The following POLD1 variants were observed in gnomAD, a reference collection of about 807,000 sequenced individuals.
The protein encoded by POLD1 is DNA polymerase delta 1, catalytic subunit.
Under a neutral mutation model 129.7 loss-of-function variants are expected in POLD1, and 79 were observed. The observed-to-expected ratio is 0.61, with a 90% CI of 0.51 to 0.73. POLD1 has a LOEUF of 0.73. Ranked by LOEUF, POLD1 falls within the 30% of genes least tolerant of loss-of-function variation. The pLI is 0.00. For missense variants in POLD1, 1,338 were observed against 1,595.8 expected, an observed-to-expected ratio of 0.84 and a Z score of 2.75; for synonymous variants, 714 against 683.3, an observed-to-expected ratio of 1.04 and a Z score of -0.70.
Position 50,416,726 on chromosome 19 carries a change from G to A in POLD1, c.3067+3G>A, listed in dbSNP as rs1334587587. On this transcript the variant is annotated splice_donor_region_variant and intron_variant, in intron 24 of 26. Transcript: ENST00000440232. Reference sequence around the variant, plus strand: ...CCGCACAGTGCTCAGCCACCAGGGTGAGCGGCCCTGGCCACTGGGCCCCCA... The same window carrying A: ...CCGCACAGTGCTCAGCCACCAGGGTAAGCGGCCCTGGCCACTGGGCCCCCA... 1.3e-6 allele frequency: 2 copies of A among 1,529,594 alleles called. No homozygotes were observed. Among genetic ancestry groups the A allele is most frequent in the African/African-American group, 1.4e-5 (1 of 72,834 alleles). The allele number at this position is 1,529,594 out of a possible 1,614,324, so 94.8% of individuals were successfully genotyped here. A position where few individuals can be genotyped will look rare whatever the true frequency, so the allele number is the denominator to read the frequency against.
chr19:50,408,716 A>C, intron 14 of POLD1, 69 bp from the exon 15 acceptor site: 2 of 1,585,362 alleles, frequency 1.3e-6, no homozygotes, highest in Non-Finnish European at 1.7e-6. Flanking sequence ...GGGTGAGGCC[A>C]CAAGACAGGG....
intron 1 of POLD1, among the ~76,000 whole-genome samples, chr19:50,390,555 A>G (rs980782184): frequency 4.7e-5 from 7 of 149,936 alleles, no homozygotes; most frequent in African/African-American, 2.5e-5. Flanking sequence ...CACATTCTAC[A>G]GTTATTCTTG....
At chr19:50,393,787 C>CG (rs1451217934) in intron 1 of POLD1, among the ~76,000 whole-genome samples, 1 of 152,146 alleles carries the variant, frequency 6.6e-6, no homozygotes, top group Non-Finnish European at 1.5e-5. Context: ...CCCCATACTC[C>CG]GTAAGCAGTC....
chr19:50,404,036 G>A (rs1601207951), intron 10 of POLD1, among the ~76,000 whole-genome samples: 1 of 152,148 alleles, frequency 6.6e-6, no homozygotes, highest in African/African-American at 2.4e-5. Flanking sequence ...CCGAGTTGCT[G>A]TAACAAAGAG....
chr19:50,397,745 A>G (rs764636430), intron 1 of POLD1, among the ~76,000 whole-genome samples: 7 of 152,286 alleles, frequency 4.6e-5, no homozygotes, highest in African/African-American at 1.7e-4. Context: ...ACACAAATAT[A>G]TATAAGTAGC....
In POLD1 at chr19:50,416,501, G is replaced by A. The variant is rs750457028; in HGVS notation, c.2926G>A (p.Glu976Lys). The change falls in exon 23 of 27, where the codon GAG (glutamate) becomes AAG (lysine). Residue 976 changes from glutamate to lysine, a missense_variant. Glu to Lys is a moderately conservative substitution (Grantham distance 56). Around this residue, in one of 3 missense-constraint regions of POLD1, gnomAD observed 286 missense variants for 277.5 expected, o/e 1.03. Coordinates refer to ENST00000440232, the MANE Select transcript of POLD1 (RefSeq NM_002691.4). ...LLRIFEPILG[E>K]GRAEAVLLRG... ...GCGCATCTTCGAGCCCATCCTGGGC[G>A]AGGGCCGTGCCGAGGCTGTGCTACT... 7.7e-6 allele frequency: 12 copies of A among 1,552,376 alleles called. No individual in the cohort carries two copies. The highest frequency in any genetic ancestry group is 1.4e-5 in the African/African-American group (1 of 73,220).
chr19:50,390,766 G>T (rs1354093994), intron 1 of POLD1, among the ~76,000 whole-genome samples: 3 of 152,030 alleles, frequency 2.0e-5, no homozygotes, highest in Non-Finnish European at 4.4e-5. Flanking sequence ...AGATTAGGGA[G>T]TGGTGATGAC....
chr19:50,412,869 C>T (rs1482637539), intron 17 of POLD1, among the ~76,000 whole-genome samples: 3 of 152,196 alleles, frequency 2.0e-5, no homozygotes, highest in Non-Finnish European at 4.4e-5. Flanking sequence ...TTCAGCCTCC[C>T]AAAGTGCTGG....
chr19:50,402,665 C>T lies in POLD1; in HGVS notation c.894C>T (p.His298=), dbSNP rs1442547881. ...TGCTGTGGTCTGACGTGGTCAGTCA[C>T]CCACCGGAAGGGCCATGGCAGCGCA... ...ADVLWSDVVS[H]PPEGPWQRIA... The change falls in exon 8 of 27, where the codon CAC becomes CAT. Residue 298 remains histidine (H), a synonymous_variant. Coordinates refer to ENST00000440232, the MANE Select transcript of POLD1 (RefSeq NM_002691.4). The T allele has an allele frequency of 3.1e-6, 5 of 1,595,690 alleles. No homozygotes were observed. Among genetic ancestry groups the T allele is most frequent in the Non-Finnish European group, 4.3e-6 (5 of 1,170,348 alleles).
rs3219395 is a variant in POLD1 at position 50,406,874 on chromosome 19, A to C, written c.1495-109A>C. ...CTTGGAGGGCCCTCCTGCCCGCCTC[A>C]CCTCCCAGGCCCTCCCCAGGCTACC... On this transcript the variant is annotated intron_variant, in intron 12 of 26. Transcript: ENST00000440232. This position sits in a 1 kb window ranked among gnomAD's most constrained non-coding sequence, Gnocchi z 5.5. 12,339 of 872,660 alleles carry C rather than the reference A, an allele frequency of 0.014. 149 individuals carry two copies. Among genetic ancestry groups the C allele is most frequent in the Middle Eastern group, 0.018 (49 of 2,708 alleles). 54.1% of individuals were successfully genotyped at this position (872,660 alleles called of 1,614,324 possible).
Position 50,408,776 on chromosome 19 carries a change from C to T in POLD1, c.1776-9C>T, listed in dbSNP as rs1555791748. ...CCCTGACTCCCGGCCGCGGCTGCTC[C>T]CCTCCCAGGTACTACGACGTCCCCA... On this transcript the variant is annotated splice_polypyrimidine_tract_variant and intron_variant, in intron 14 of 26. Coordinates refer to ENST00000440232, the MANE Select transcript of POLD1 (RefSeq NM_002691.4). 5 of 1,613,642 alleles carry T rather than the reference C, an allele frequency of 3.1e-6. No individual in the cohort carries two copies. The highest frequency in any genetic ancestry group is 1.7e-5 in the Admixed American group (1 of 60,004).
At chr19:50,400,694 GCTAA>G (rs2038565735) in intron 3 of POLD1, among the ~76,000 whole-genome samples, 1 of 149,864 alleles carries the variant, frequency 6.7e-6, no homozygotes, top group Non-Finnish European at 1.5e-5. Flanking sequence ...ACAATGTCTG[GCTAA>G]CTTTTTTTTT....
At position 50,416,460 on chromosome 19, in the gene POLD1, TG is replaced by T. The variant is rs2122491114; in HGVS notation, c.2887del (p.Ala963ProfsTer82). 1 of 1,550,166 alleles carries T rather than the reference TG, an allele frequency of 6.5e-7. No individual in the cohort carries two copies. The highest frequency in any genetic ancestry group is 8.7e-7 in the Non-Finnish European group (1 of 1,147,636). On this transcript the variant is annotated frameshift_variant, in exon 23 of 27. Coordinates refer to ENST00000440232, the MANE Select transcript of POLD1 (RefSeq NM_002691.4). LOFTEE classifies it high-confidence loss of function. Reference sequence around the variant, plus strand: ...ACGCAGTACTACCTGGAGCAGCAGCTGGCCAAGCCCCTCCTGCGCATCTTCG... The same window carrying T: ...ACGCAGTACTACCTGGAGCAGCAGCTGCCAAGCCCCTCCTGCGCATCTTCG... The part of the protein sequence containing the change: ...IDTQYYLEQQ[L>X]AKPLLRIFEP...
At position 50,402,239 on chromosome 19, in the gene POLD1, G is replaced by C. The variant is rs78996304; in HGVS notation, c.624G>C (p.Pro208=). The C allele has an allele frequency of 1.9e-6, 3 of 1,593,446 alleles. No homozygotes were observed. In the Admixed American group the frequency reaches 5.2e-5, roughly 27 times the overall value. ...GGTACCACGGGCACGGCCCCTCCCC[G>C]TTCCTGCGCATCACCGTGGCGCTGC... ...MFGYHGHGPS[P]FLRITVALPR... Residue 208 remains proline, a synonymous_variant, in exon 6 of 27, where the codon CCG becomes CCC. Transcript: ENST00000440232.
chr19:50,402,893 G>A (rs2038714722), intron 8 of POLD1, 152 bp downstream of exon 8: 2 of 1,347,746 alleles, frequency 1.5e-6, no homozygotes, highest in African/African-American at 2.9e-5. Context: ...CACAGAGGGT[G>A]TGGAGATGGC....
In POLD1 at chr19:50,403,189, G is replaced by A. The variant is rs1400257948; in HGVS notation, c.1107G>A (p.Gln369=). The A allele has an allele frequency of 6.4e-7, 1 of 1,561,812 alleles. No homozygotes were observed. Among genetic ancestry groups the A allele is most frequent in the Admixed American group, 1.9e-5 (1 of 52,200 alleles). ...PCAPILGAKV[Q]SYEKEEDLLQ... is the part of the protein sequence containing the mutation. Reference sequence around the variant, plus strand: ...CCCCCATCCTGGGTGCCAAGGTGCAGAGCTACGAGAAGGAGGAGGACCTGC... The same window carrying A: ...CCCCCATCCTGGGTGCCAAGGTGCAAAGCTACGAGAAGGAGGAGGACCTGC... The change falls in exon 9 of 27, where the codon CAG becomes CAA. Residue 369 remains glutamine, a synonymous_variant. Transcript: ENST00000440232.
At chr19:50,385,871 C>T (rs1204611901) in intron 1 of POLD1, among the ~76,000 whole-genome samples, 4 of 151,938 alleles carry the variant, frequency 2.6e-5, no homozygotes, top group African/African-American at 7.3e-5. Context: ...GGTCTCTCTT[C>T]CCCCTAGAGA....
At chr19:50,412,309 T>G (rs1018816369) in intron 17 of POLD1, among the ~76,000 whole-genome samples, 2 of 152,174 alleles carry the variant, frequency 1.3e-5, no homozygotes, top group Non-Finnish European at 2.9e-5. Flanking sequence ...CCCGCCACCA[T>G]GCCTGGCTAA....
rs1555791079 is a variant in POLD1, at chr19:50,406,189, C to T, written c.1250C>T (p.Thr417Ile). Residue 417 changes from threonine (T) to isoleucine (I), a missense_variant, in exon 11 of 27, where the codon ACA (threonine) becomes ATA (isoleucine). Around this residue, in one of 3 missense-constraint regions of POLD1, gnomAD observed 720 missense variants for 1,002.6 expected, o/e 0.72. Transcript: ENST00000440232. The surrounding 1 kb of genome is among the most constrained non-coding windows in gnomAD (Gnocchi z 5.5). The part of the protein sequence containing the change: ...ISRAQTLKVQ[T>I]FPFLGRVAGL... ...CCTGCCTCTCCTCCTCAGGTACAAA[C>T]ATTCCCTTTCCTGGGCCGTGTGGCC... 6.2e-7 allele frequency: 1 copy of T among 1,613,458 alleles called. No homozygotes were observed. Among genetic ancestry groups the T allele is most frequent in the Non-Finnish European group, 8.5e-7 (1 of 1,179,570 alleles).
Sources: allele counts gnomAD v4.1 joint callset (sites outside exome capture counted in the v4.1 genomes callset), GRCh38; gene constraint gnomAD v4.1.1; regional missense constraint gnomAD v4.1.1; non-coding constraint Gnocchi (gnomAD v3.1); transcripts MANE v1.5; gene names NCBI Gene and HGNC (gene_info 2026-07-23, HGNC 2026-07-21).